CCSER1: variants seen among roughly 807,000 people sequenced by gnomAD.
CCSER1 encodes the protein serine-rich coiled-coil domain-containing protein 1.
CCSER1 carries 41 observed loss-of-function variants against 82.0 expected under a neutral mutation model. The observed-to-expected ratio is 0.50, with a 90% CI of 0.39 to 0.65. The LOEUF (loss-of-function observed/expected upper bound fraction) is 0.65. CCSER1 is among the 30% of genes least tolerant of loss of function. The pLI is 0.00. For synonymous variants in CCSER1, 414 were observed against 383.9 expected (o/e 1.08, Z -0.92); for missense variants, 1,119 against 1,064.2 (o/e 1.05, Z -0.72).
chr4:90,950,720 G>A (rs939343239), intron 9 of CCSER1, among the ~76,000 whole-genome samples: 2 of 152,018 alleles, frequency 1.3e-5, no homozygotes, highest in African/African-American at 4.8e-5. Context: ...GTTATCTTGG[G>A]TATAGAGATA....
At chr4:90,144,881 T>G (rs901618894) in intron 1 of CCSER1, among the ~76,000 whole-genome samples, 9 of 152,150 alleles carry the variant, frequency 5.9e-5, no homozygotes, top group Non-Finnish European at 8.8e-5. Flanking sequence ...TTATCCACTA[T>G]TAATCTGTTA....
intron 10 of CCSER1, among the ~76,000 whole-genome samples, chr4:91,549,860 T>C (rs1028730673): frequency 1.3e-5 from 2 of 151,732 alleles, no homozygotes; most frequent in Non-Finnish European, 2.9e-5. Flanking sequence ...CCTTAGTCCT[T>C]CGGTGAGCCA....
intron 10 of CCSER1, among the ~76,000 whole-genome samples, chr4:91,577,153 T>C (rs995526906): frequency 5.9e-5 from 9 of 152,142 alleles, no homozygotes; most frequent in South Asian, 2.1e-4. Context: ...CACAGGCCTT[T>C]ATATCTTTTT....
chr4:91,576,217 C>T (rs937096398), intron 10 of CCSER1, among the ~76,000 whole-genome samples: 7 of 151,896 alleles, frequency 4.6e-5, no homozygotes, highest in Non-Finnish European at 8.8e-5. Flanking sequence ...TAACTTTATT[C>T]AGCCTTTAAA....
At chr4:91,201,902 A>G (rs1057059411) in intron 10 of CCSER1, among the ~76,000 whole-genome samples, 3 of 152,056 alleles carry the variant, frequency 2.0e-5, no homozygotes, top group Admixed American at 6.6e-5. Flanking sequence ...GTTATTAACA[A>G]TAGGCCATTA....
intron 9 of CCSER1, among the ~76,000 whole-genome samples, chr4:90,985,806 A>C (rs946937924): frequency 6.6e-6 from 1 of 151,754 alleles, no homozygotes; most frequent in Non-Finnish European, 1.5e-5. Context: ...ATTGAAGAAA[A>C]AAAGAAAAGA....
intron 10 of CCSER1, among the ~76,000 whole-genome samples, chr4:91,101,931 C>T (rs920342423): frequency 3.9e-5 from 6 of 152,158 alleles, no homozygotes; most frequent in Non-Finnish European, 7.3e-5. Flanking sequence ...AAAGCATTCT[C>T]ATTCCTAAGA....
intron 10 of CCSER1, among the ~76,000 whole-genome samples, chr4:91,186,668 T>G (rs960346808): frequency 3.3e-5 from 5 of 152,222 alleles, no homozygotes; most frequent in Admixed American, 6.5e-5. Context: ...CACATATTTA[T>G]TAACAACAAA....
Position 91,113,894 on chromosome 4 carries a change from T to C in CCSER1, c.2217+27900T>C, listed in dbSNP as rs902235750. Among the ~76,000 whole-genome samples, 10 of 151,662 alleles carry C rather than the reference T, an allele frequency of 6.6e-5. No individual in the cohort carries two copies. The East Asian group carries it at 9.7e-4, about 15-fold the overall frequency. On this transcript the variant is annotated intron_variant, in intron 10 of 10. Coordinates refer to ENST00000509176, the MANE Select transcript of CCSER1 (RefSeq NM_001145065.2). ...TTGATACGGAGTCTCGCTCTGTCGCTCAGGCTGGAGTGCAGTGGCGCGATC... is the reference window on the plus strand; with the variant it reads ...TTGATACGGAGTCTCGCTCTGTCGCCCAGGCTGGAGTGCAGTGGCGCGATC...
rs1219029946 is a variant in CCSER1 at position 91,601,141 on chromosome 4, G to T, written c.*2084G>T. ...TATCACAAATAATGTTTTTGATTTGGACTTTTGGAGTTGATAGTTTTGTTT... is the reference window on the plus strand; with the variant it reads ...TATCACAAATAATGTTTTTGATTTGTACTTTTGGAGTTGATAGTTTTGTTT... On this transcript the variant is annotated 3_prime_UTR_variant, in exon 11 of 11. Transcript: ENST00000509176. 1 of 151,944 alleles carries T rather than the reference G, an allele frequency of 6.6e-6. No individual in the cohort carries two copies. The highest frequency in any genetic ancestry group is 1.5e-5 in the Non-Finnish European group (1 of 67,932). The allele number at this position is 151,944 out of a possible 1,614,324, so 9.4% of individuals were successfully genotyped here.
At chr4:90,223,184 G>T (rs1448571446) in intron 1 of CCSER1, among the ~76,000 whole-genome samples, 1 of 152,002 alleles carries the variant, frequency 6.6e-6, no homozygotes, top group Non-Finnish European at 1.5e-5. Flanking sequence ...GTTTCAAAAT[G>T]TTGTATAAAT....
intron 5 of CCSER1, among the ~76,000 whole-genome samples, chr4:90,494,490 T>C (rs1768654028): frequency 6.6e-6 from 1 of 152,172 alleles, no homozygotes; most frequent in East Asian, 1.9e-4. Context: ...TCACACTTAT[T>C]CCAAAACTGA....
chr4:90,843,861 C>T (rs1290995957), intron 8 of CCSER1, among the ~76,000 whole-genome samples: 2 of 151,920 alleles, frequency 1.3e-5, no homozygotes, highest in Non-Finnish European at 2.9e-5. Context: ...TACTGCACTC[C>T]TTTAAGAAAA....
intron 10 of CCSER1, among the ~76,000 whole-genome samples, chr4:91,243,728 C>T (rs1739554750): frequency 6.6e-6 from 1 of 152,184 alleles, no homozygotes; most frequent in African/African-American, 2.4e-5. Flanking sequence ...CATATACTGA[C>T]TAAAGAGCCC....
At chr4:91,563,786 C>G (rs1247120063) in intron 10 of CCSER1, among the ~76,000 whole-genome samples, 1 of 151,694 alleles carries the variant, frequency 6.6e-6, no homozygotes, top group African/African-American at 2.4e-5. Flanking sequence ...TGCTCTCATA[C>G]AGAGAAAATT....
At chr4:90,219,120 G>A (rs973616856) in intron 1 of CCSER1, among the ~76,000 whole-genome samples, 4 of 152,072 alleles carry the variant, frequency 2.6e-5, no homozygotes, top group Admixed American at 6.6e-5. Context: ...GAGAGAGATG[G>A]GTTAGAAATC....
intron 7 of CCSER1, among the ~76,000 whole-genome samples, chr4:90,782,925 C>A (rs72663610): frequency 6.7e-6 from 1 of 149,028 alleles, no homozygotes; most frequent in Admixed American, 6.7e-5. Flanking sequence ...CGAGATCCCC[C>A]CTCCTCGGCC....
intron 10 of CCSER1, among the ~76,000 whole-genome samples, chr4:91,482,784 A>G (rs1266879393): frequency 2.0e-5 from 3 of 152,158 alleles, no homozygotes; most frequent in South Asian, 4.1e-4. Flanking sequence ...ATGAGTTCAT[A>G]TCCTTTGTAG....
At chr4:90,626,136 C>A (rs569913766) in intron 5 of CCSER1, among the ~76,000 whole-genome samples, 1 of 152,218 alleles carries the variant, frequency 6.6e-6, no homozygotes, top group South Asian at 2.1e-4. Context: ...TAACAATTCA[C>A]AATACAGAAA....
Sources: allele counts gnomAD v4.1 joint callset (sites outside exome capture counted in the v4.1 genomes callset), GRCh38; gene constraint gnomAD v4.1.1; transcripts MANE v1.5; gene names NCBI Gene and HGNC (gene_info 2026-07-23, HGNC 2026-07-21).